The following PLCB1 variants were observed in gnomAD, a reference collection of about 807,000 sequenced individuals.
The protein encoded by PLCB1 is 1-phosphatidylinositol 4,5-bisphosphate phosphodiesterase beta-1.
In PLCB1, 46 loss-of-function variants were observed where a neutral mutation model predicts 161.8. The observed-to-expected ratio is 0.28, with a 90% confidence interval of 0.22 to 0.36. The LOEUF (loss-of-function observed/expected upper bound fraction) is 0.36, where lower values mean the gene tolerates loss of function less well. Ranked by LOEUF, PLCB1 falls within the 10% of genes least tolerant of loss-of-function variation. The pLI is 1.00. For synonymous variants in PLCB1, 517 were observed against 503.7 expected, an observed-to-expected ratio of 1.03 and a Z score of -0.35; for missense variants, 1,016 against 1,472.5, an observed-to-expected ratio of 0.69 and a Z score of 5.07.
chr20:8,196,666 A>T lies in PLCB1; in HGVS notation c.177+46295A>T, dbSNP rs1044558900. On this transcript the variant is annotated intron_variant, in intron 2 of 31. Transcript: ENST00000338037. ...TCCTTTTCTTTATATATATATATAA[A>T]ATATATATATTTTTAATTATACTTT... Among the ~76,000 whole-genome samples, 8 of 146,604 alleles carry T rather than the reference A, an allele frequency of 5.5e-5. No homozygotes were observed. The East Asian group carries it at 1.6e-3, about 29-fold the overall frequency.
chr20:8,540,354 C>T (rs1985261422), intron 3 of PLCB1, among the ~76,000 whole-genome samples: 2 of 152,046 alleles, frequency 1.3e-5, no homozygotes, highest in Non-Finnish European at 2.9e-5. Context: ...AACATCTTTC[C>T]TCTCATTGGC....
intron 3 of PLCB1, among the ~76,000 whole-genome samples, chr20:8,580,036 A>G (rs1424832978): frequency 6.6e-6 from 1 of 152,148 alleles, no homozygotes; most frequent in Non-Finnish European, 1.5e-5. Flanking sequence ...GGAGCAGTAG[A>G]ATATTGGCCC....
intron 31 of PLCB1, among the ~76,000 whole-genome samples, chr20:8,836,223 G>T (rs1440132239): frequency 6.6e-6 from 1 of 152,192 alleles, no homozygotes; most frequent in Non-Finnish European, 1.5e-5. Context: ...CCCAATAACT[G>T]CCCAGATTCA....
At chr20:8,163,449 G>A (rs2051645789) in intron 2 of PLCB1, among the ~76,000 whole-genome samples, 1 of 152,180 alleles carries the variant, frequency 6.6e-6, no homozygotes, top group Non-Finnish European at 1.5e-5. Flanking sequence ...TGGCATACAT[G>A]AAAACACATG....
chr20:8,253,516 G>T (rs1008197638), intron 2 of PLCB1, among the ~76,000 whole-genome samples: 1 of 151,874 alleles, frequency 6.6e-6, no homozygotes, highest in African/African-American at 2.4e-5. Context: ...TTATTGCCTG[G>T]GGCTAAATGC....
intron 3 of PLCB1, among the ~76,000 whole-genome samples, chr20:8,443,366 T>C (rs1479028964): frequency 2.0e-5 from 3 of 152,210 alleles, no homozygotes; most frequent in Non-Finnish European, 2.9e-5. Flanking sequence ...TATTGGCCGA[T>C]GTGGAAGACC....
intron 9 of PLCB1, among the ~76,000 whole-genome samples, chr20:8,662,453 A>ATTTT (rs1989699307): frequency 7.6e-6 from 1 of 130,722 alleles, no homozygotes; most frequent in Non-Finnish European, 1.6e-5. Flanking sequence ...GTTATGTATA[A>ATTTT]TTATTATATA....
chr20:8,616,964 A>G (rs952964738), intron 3 of PLCB1, among the ~76,000 whole-genome samples: 1 of 152,198 alleles, frequency 6.6e-6, no homozygotes, highest in Non-Finnish European at 1.5e-5. Flanking sequence ...GATTCTATTT[A>G]TGTATCCCAG....
intron 7 of PLCB1, among the ~76,000 whole-genome samples, chr20:8,656,347 T>G (rs1310919324): frequency 1.3e-5 from 2 of 152,088 alleles, no homozygotes; most frequent in African/African-American, 4.8e-5. Flanking sequence ...GACATTTGTA[T>G]AACTGTACAT....
At chr20:8,372,020 T>A (rs1986919123) in intron 3 of PLCB1, 1 of 152,276 alleles carries the variant, frequency 6.6e-6, no homozygotes, top group Admixed American at 6.5e-5. Flanking sequence ...TTTTTGAAGA[T>A]AATTTTTAAA....
chr20:8,681,086 G>GTGTATATATATA (rs1394518085), intron 9 of PLCB1, among the ~76,000 whole-genome samples: 6 of 73,840 alleles, frequency 8.1e-5, no homozygotes, highest in African/African-American at 2.2e-4. Flanking sequence ...ATGTGTGTGT[G>GTGTATATATATA]TATATATATA....
chr20:8,389,832 A>G (rs1181896716), intron 3 of PLCB1, among the ~76,000 whole-genome samples: 1 of 152,148 alleles, frequency 6.6e-6, no homozygotes, highest in East Asian at 1.9e-4. Flanking sequence ...CCAATCAATT[A>G]AATTGAAATG....
intron 2 of PLCB1, among the ~76,000 whole-genome samples, chr20:8,341,770 A>G (rs1985817931): frequency 6.6e-6 from 1 of 152,188 alleles, no homozygotes; most frequent in Admixed American, 6.5e-5. Context: ...ATGATCCCTG[A>G]CATTCATTAA....
chr20:8,242,021 G>T (rs1390299556), intron 2 of PLCB1, among the ~76,000 whole-genome samples: 3 of 151,892 alleles, frequency 2.0e-5, no homozygotes, highest in Non-Finnish European at 2.9e-5. Context: ...GGAGGATAAA[G>T]GGCATTGGCA....
chr20:8,687,053 C>T (rs975861666), intron 10 of PLCB1, among the ~76,000 whole-genome samples: 7 of 151,634 alleles, frequency 4.6e-5, no homozygotes, highest in Admixed American at 3.3e-4. Flanking sequence ...TGAGACAGGG[C>T]CTCACTCTGT....
intron 8 of PLCB1, 141 bp downstream of exon 8, chr20:8,657,425 G>C: frequency 1.5e-6 from 1 of 651,912 alleles, no homozygotes; most frequent in Non-Finnish European, 2.8e-6. Context: ...TGATGTTTTG[G>C]ATAGGATCAC....
At chr20:8,206,744 G>A (rs982794664) in intron 2 of PLCB1, among the ~76,000 whole-genome samples, 6 of 150,754 alleles carry the variant, frequency 4.0e-5, no homozygotes, top group Admixed American at 1.3e-4. Context: ...AAGAAAACAT[G>A]CACAAAGATA....
intron 15 of PLCB1, 21 bp downstream of exon 15, chr20:8,722,442 G>T (rs369777111): frequency 2.3e-5 from 36 of 1,574,384 alleles, no homozygotes; most frequent in Non-Finnish European, 3.0e-5. Context: ...AGGGCTTCTG[G>T]TCCCTAAGGC....
intron 3 of PLCB1, among the ~76,000 whole-genome samples, chr20:8,523,666 G>A (rs1984468913): frequency 1.3e-5 from 2 of 151,100 alleles, no homozygotes; most frequent in South Asian, 4.2e-4. Context: ...GGTGTTAGTA[G>A]CAGACATCAG....
Sources: gnomAD v4.1 joint callset for allele counts (sites outside exome capture counted in the v4.1 genomes callset) on GRCh38, gnomAD v4.1.1 for gene constraint, MANE v1.5 for transcripts, NCBI Gene and HGNC (gene_info 2026-07-23, HGNC 2026-07-21) for gene names.